Variants in SP140L observed in about 807,000 individuals in gnomAD.
SP140L encodes nuclear body protein SP140-like protein.
In SP140L, 64 loss-of-function variants were observed where a neutral mutation model predicts 84.3. The ratio of observed to expected loss-of-function variants is 0.76; its 90% confidence interval spans 0.62 to 0.94. The LOEUF (loss-of-function observed/expected upper bound fraction) is 0.94. Ranked by LOEUF, SP140L falls within the 40% of genes least tolerant of loss-of-function variation. The pLI is 0.00. For synonymous variants in SP140L, 242 were observed against 236.9 expected (o/e 1.02, Z -0.20); for missense variants, 628 against 692.5 (o/e 0.91, Z 1.05).
intron 7 of SP140L, among the ~76,000 whole-genome samples, chr2:230,383,007 G>A (rs1244790815): frequency 6.6e-6 from 1 of 152,246 alleles, no homozygotes; most frequent in Non-Finnish European, 1.5e-5. Flanking sequence ...AGGGCTGACA[G>A]TGTGGAGTCA....
chr2:230,381,711 T>TACACACACACACACACACACAC (rs71052506), intron 7 of SP140L, among the ~76,000 whole-genome samples: 4 of 147,056 alleles, frequency 2.7e-5, no homozygotes. Flanking sequence ...CCTGTCTCTC[T>TACACACACACACACACACACAC]ACACACACAC....
intron 2 of SP140L, among the ~76,000 whole-genome samples, chr2:230,341,782 G>T (rs550937041): frequency 6.6e-6 from 1 of 152,260 alleles, no homozygotes; most frequent in South Asian, 2.1e-4. Flanking sequence ...CTGCTGGGGG[G>T]TGCCTCCCAG....
intron 10 of SP140L, among the ~76,000 whole-genome samples, chr2:230,389,395 G>A (rs1381545921): frequency 6.6e-6 from 1 of 152,080 alleles, no homozygotes; most frequent in Admixed American, 6.6e-5. Context: ...TTTCTCAGCT[G>A]TGGAGAAAGC....
chr2:230,383,211 C>A (rs2061465104), intron 7 of SP140L, among the ~76,000 whole-genome samples: 1 of 152,154 alleles, frequency 6.6e-6, no homozygotes, highest in African/African-American at 2.4e-5. Flanking sequence ...GAAAAAGCAA[C>A]ATGAAATAGC....
intron 7 of SP140L, chr2:230,371,899 A>G: frequency 2.2e-6 from 1 of 451,026 alleles, no homozygotes. Context: ...ATCCTGGGTT[A>G]TGTGGTGGGC....
chr2:230,402,873 C>A lies in SP140L; in HGVS notation c.1720C>A (p.Gln574Lys). Residue 574 changes from glutamine to lysine, a missense_variant, in exon 19 of 19, where the codon CAG becomes AAG. This residue lies in a region of SP140L where 44 missense variants were observed against 36.1 expected (regional missense o/e 1.22). Coordinates refer to ENST00000415673, the MANE Select transcript of SP140L (RefSeq NM_138402.6). ...EKDFKEVFAIQETNGNS is the reference protein window; with the variant it reads ...EKDFKEVFAIKETNGNS ...GGATTTCAAGGAAGTGTTTGCTATT[C>A]AGGAAACAAATGGGAACAGTTGACT... is the stretch of plus-strand genomic sequence containing the variant. 6.2e-7 allele frequency: 1 copy of A among 1,612,868 alleles called. No homozygotes were observed.
intron 14 of SP140L, chr2:230,399,711 G>C (rs900021997): frequency 3.1e-4 from 49 of 157,322 alleles, no homozygotes; most frequent in Non-Finnish European, 5.4e-4. Context: ...TGATATCTTA[G>C]AAGGTTATTC....
intron 14 of SP140L, among the ~76,000 whole-genome samples, chr2:230,397,236 C>A (rs1041007141): frequency 3.3e-5 from 5 of 152,102 alleles, no homozygotes; most frequent in Non-Finnish European, 7.3e-5. Flanking sequence ...GCAGGTGGAG[C>A]GAAGATGGTC....
Position 230,358,848 on chromosome 2 carries a change from A to G in SP140L, c.271-116A>G. ...ATATGTAAAAATTATAAAACTTTAC[A>G]TGAGAAGATACCTCTGAAGAGAAAT... On this transcript the variant is annotated intron_variant, in intron 3 of 18. Transcript: ENST00000415673. 4 of 809,562 alleles carry G rather than the reference A, an allele frequency of 4.9e-6. 1 individual carries two copies. The highest frequency in any genetic ancestry group is 4.3e-5 in the South Asian group (2 of 46,318). The allele number at this position is 809,562 out of a possible 1,614,324, so 50.1% of individuals were successfully genotyped here.
At chr2:230,382,585 G>C (rs1473892131) in intron 7 of SP140L, among the ~76,000 whole-genome samples, 2 of 152,144 alleles carry the variant, frequency 1.3e-5, no homozygotes, top group Non-Finnish European at 2.9e-5. Context: ...TTCATTAGCT[G>C]TGTCTGGAGT....
intron 9 of SP140L, among the ~76,000 whole-genome samples, chr2:230,388,072 C>T (rs1202231566): frequency 1.3e-5 from 2 of 152,094 alleles, no homozygotes; most frequent in Non-Finnish European, 2.9e-5. Context: ...TAAGAGAAAC[C>T]CAAACACCTT....
chr2:230,359,990 T>C (rs144848693), intron 4 of SP140L, among the ~76,000 whole-genome samples: 1 of 125,678 alleles, frequency 8.0e-6, no homozygotes, highest in East Asian at 2.4e-4. Flanking sequence ...ACTAAAGTTT[T>C]GATTCTTGAC....
chr2:230,342,140 T>C (rs111876944), intron 2 of SP140L: 19,795 of 164,918 alleles, frequency 0.12, 1,266 homozygotes, highest in Middle Eastern at 0.16. Context: ...TAGCAATCAG[T>C]GAGAGTCCGT....
chr2:230,393,305 G>A, intron 12 of SP140L, 109 bp from the exon 13 acceptor site: 1 of 1,227,528 alleles, frequency 8.1e-7, no homozygotes, highest in South Asian at 1.5e-5. Context: ...CTGGGTTTGA[G>A]CTGGCATTGG....
intron 2 of SP140L, among the ~76,000 whole-genome samples, chr2:230,330,862 T>C (rs2059706330): frequency 1.3e-5 from 2 of 152,210 alleles, no homozygotes; most frequent in Admixed American, 6.5e-5. Context: ...AGTAGTGTGA[T>C]GAAATCTCAC....
intron 2 of SP140L, among the ~76,000 whole-genome samples, chr2:230,357,135 T>A (rs1228646380): frequency 6.6e-6 from 1 of 152,198 alleles, no homozygotes; most frequent in East Asian, 1.9e-4. Context: ...CGGCAGCGAT[T>A]TCTGAAATTC....
chr2:230,332,145 A>C lies in SP140L; in HGVS notation c.107+3314A>C, dbSNP rs1043206035. Among the ~76,000 whole-genome samples the C allele has an allele frequency of 2.0e-5, 3 of 152,188 alleles. No homozygotes were observed. The South Asian group carries it at 6.2e-4, about 31-fold the overall frequency. On this transcript the variant is annotated intron_variant, in intron 2 of 18. Transcript: ENST00000415673. The stretch of plus-strand genomic sequence containing the variant: ...TCCGGTTTACTAAGTTATTTCTTTT[A>C]ATCAAGACCATGTATAGGATATTTA...
At chr2:230,354,881 G>GAAAGAAAGAAAGAAAGAAAAA in intron 2 of SP140L, among the ~76,000 whole-genome samples, 1 of 125,614 alleles carries the variant, frequency 8.0e-6, no homozygotes, top group Admixed American at 8.2e-5. Context: ...AAGAAAGAAA[G>GAAAGAAAGAAAGAAAGAAAAA]AAAGAAAGAA....
intron 13 of SP140L, among the ~76,000 whole-genome samples, chr2:230,394,226 C>T (rs530650175): frequency 1.1e-4 from 16 of 152,276 alleles, no homozygotes; most frequent in South Asian, 2.1e-4. Context: ...CACTTAAGAA[C>T]GCAACAAACA....
Sources: allele counts gnomAD v4.1 joint callset (sites outside exome capture counted in the v4.1 genomes callset), GRCh38; gene constraint gnomAD v4.1.1; regional missense constraint gnomAD v4.1.1; transcripts MANE v1.5; gene names NCBI Gene and HGNC (gene_info 2026-07-23, HGNC 2026-07-21).